RBFOX1: variants seen among roughly 807,000 people sequenced by gnomAD.
RBFOX1 encodes RNA binding protein fox-1 homolog 1.
In RBFOX1, 8 loss-of-function variants were observed where a neutral mutation model predicts 57.7. That is an observed-to-expected ratio of 0.14 (90% CI 0.08 to 0.25). The LOEUF (loss-of-function observed/expected upper bound fraction) is 0.25. RBFOX1 is among the 10% of genes least tolerant of loss of function. The pLI is 1.00. For synonymous variants in RBFOX1, 326 were observed against 222.4 expected, an observed-to-expected ratio of 1.47 and a Z score of -4.15; for missense variants, 611 against 548.5, an observed-to-expected ratio of 1.11 and a Z score of -1.14.
chr16:6,055,716 G>T (rs555988836), intron 1 of RBFOX1, among the ~76,000 whole-genome samples: 2 of 151,434 alleles, frequency 1.3e-5, no homozygotes, highest in African/African-American at 4.8e-5. Context: ...GAAGTGTGAA[G>T]ACTTCAGAAG....
At chr16:7,622,960 G>A (rs377674107) in intron 10 of RBFOX1, among the ~76,000 whole-genome samples, 7 of 152,180 alleles carry the variant, frequency 4.6e-5, no homozygotes, top group Admixed American at 3.9e-4. Flanking sequence ...ATGCATGACT[G>A]TAAAAGTATC....
At chr16:6,238,935 C>A (rs2097525403) in intron 1 of RBFOX1, among the ~76,000 whole-genome samples, 1 of 152,108 alleles carries the variant, frequency 6.6e-6, no homozygotes, top group African/African-American at 2.4e-5. Flanking sequence ...TTAAAATGTA[C>A]CGTTAACTTA....
In RBFOX1 at chr16:6,073,972, A is replaced by G. The variant is rs557133624; in HGVS notation, c.-127+53980A>G. 3.4e-3 allele frequency among the ~76,000 whole-genome samples: 513 copies of G among 152,176 alleles called. 3 individuals carry two copies. The highest frequency in any genetic ancestry group is 0.011 in the African/African-American group (470 of 41,524). ...GAAGGTTCTTTTCTTTTTCTGAGAC[A>G]GAGTCTCACTCTGTCGCCCAGAGTG... On this transcript the variant is annotated intron_variant, in intron 1 of 15. Coordinates refer to ENST00000550418, the MANE Select transcript of RBFOX1 (RefSeq NM_018723.4).
At chr16:6,473,156 G>A (rs1373060732) in intron 2 of RBFOX1, among the ~76,000 whole-genome samples, 1 of 152,022 alleles carries the variant, frequency 6.6e-6, no homozygotes, top group Non-Finnish European at 1.5e-5. Flanking sequence ...CTGACTCTTG[G>A]CTCTCACAGC....
At chr16:7,021,237 C>T (rs1006754019) in intron 3 of RBFOX1, among the ~76,000 whole-genome samples, 79 of 151,618 alleles carry the variant, frequency 5.2e-4, no homozygotes, top group African/African-American at 1.6e-3. Flanking sequence ...TTATGTGTTG[C>T]GTCGGCCCCC....
At chr16:6,129,770 A>G (rs900057644) in intron 1 of RBFOX1, among the ~76,000 whole-genome samples, 3 of 151,602 alleles carry the variant, frequency 2.0e-5, no homozygotes, top group African/African-American at 7.3e-5. Context: ...CATAGATAAT[A>G]TTGAAAACAG....
At chr16:6,594,499 G>A (rs975553812) in intron 2 of RBFOX1, among the ~76,000 whole-genome samples, 5 of 152,166 alleles carry the variant, frequency 3.3e-5, no homozygotes, top group Non-Finnish European at 5.9e-5. Flanking sequence ...AGCTCTCACA[G>A]ATTGTTGACA....
At chr16:7,146,526 A>C (rs1004448398) in intron 4 of RBFOX1, among the ~76,000 whole-genome samples, 2 of 152,178 alleles carry the variant, frequency 1.3e-5, no homozygotes, top group African/African-American at 4.8e-5. Context: ...ATAGGCCATC[A>C]GAGTTAACTT....
intron 3 of RBFOX1, among the ~76,000 whole-genome samples, chr16:7,028,603 CACACACAAAAAAAAAA>C (rs2041708350): frequency 3.1e-5 from 1 of 32,622 alleles, no homozygotes; most frequent in Non-Finnish European, 5.4e-5. Flanking sequence ...CACACACACA[CACACACAAAAAAAAAA>C]AAAAAAAAAA....
At chr16:6,578,440 G>A (rs923462894) in intron 2 of RBFOX1, among the ~76,000 whole-genome samples, 1 of 152,108 alleles carries the variant, frequency 6.6e-6, no homozygotes, top group Admixed American at 6.6e-5. Flanking sequence ...GGTAGCTGAT[G>A]GAACAGTGAT....
intron 3 of RBFOX1, among the ~76,000 whole-genome samples, chr16:5,782,263 C>T (rs2054347597): frequency 6.6e-6 from 1 of 152,176 alleles, no homozygotes; most frequent in African/African-American, 2.4e-5. Flanking sequence ...ATCAGGGTGT[C>T]AGCACGTTTG....
chr16:6,842,838 C>A (rs905005629), intron 3 of RBFOX1, among the ~76,000 whole-genome samples: 1 of 152,008 alleles, frequency 6.6e-6, no homozygotes, highest in Non-Finnish European at 1.5e-5. Context: ...AACCCCCTGA[C>A]AGGCCCCGGT....
intron 2 of RBFOX1, among the ~76,000 whole-genome samples, chr16:6,509,912 C>A (rs866062073): frequency 6.6e-6 from 1 of 152,048 alleles, no homozygotes; most frequent in Middle Eastern, 3.2e-3. Context: ...AACTATATCC[C>A]TGATAATGCA....
chr16:6,756,218 G>T (rs1308196610), intron 3 of RBFOX1, among the ~76,000 whole-genome samples: 1 of 152,072 alleles, frequency 6.6e-6, no homozygotes, highest in Non-Finnish European at 1.5e-5. Context: ...ATATGGATTG[G>T]GGAAAGGACA....
chr16:6,032,882 G>GTTT (rs34481482), intron 1 of RBFOX1, among the ~76,000 whole-genome samples: 36 of 140,038 alleles, frequency 2.6e-4, no homozygotes, highest in African/African-American at 4.1e-4. Flanking sequence ...CCTAGTGTAA[G>GTTT]TTTTTTTTTT....
chr16:5,847,936 C>T (rs1189631149), intron 3 of RBFOX1, among the ~76,000 whole-genome samples: 1 of 152,146 alleles, frequency 6.6e-6, no homozygotes, highest in Non-Finnish European at 1.5e-5. Flanking sequence ...ATAAATAAGG[C>T]ATTGTCTGGT....
At chr16:6,555,617 G>T (rs554596509) in intron 2 of RBFOX1, among the ~76,000 whole-genome samples, 3 of 151,980 alleles carry the variant, frequency 2.0e-5, no homozygotes, top group African/African-American at 4.8e-5. Flanking sequence ...GGAGAATGGC[G>T]TGAATCCGGG....
At chr16:5,396,850 C>T (rs1243398619) in intron 1 of RBFOX1, among the ~76,000 whole-genome samples, 2 of 152,184 alleles carry the variant, frequency 1.3e-5, no homozygotes, top group Non-Finnish European at 2.9e-5. Flanking sequence ...ACTTCGTTGT[C>T]TCAAAGTGGT....
chr16:7,364,149 C>T (rs1211733875), intron 4 of RBFOX1, among the ~76,000 whole-genome samples: 1 of 152,116 alleles, frequency 6.6e-6, no homozygotes, highest in African/African-American at 2.4e-5. Context: ...TCGTGGGGTG[C>T]AGGAGTCTAC....
Sources: gnomAD v4.1 joint callset for allele counts (sites outside exome capture counted in the v4.1 genomes callset) on GRCh38, gnomAD v4.1.1 for gene constraint, MANE v1.5 for transcripts, NCBI Gene and HGNC (gene_info 2026-07-23, HGNC 2026-07-21) for gene names.